The following ARB2A variants were observed in gnomAD, a reference collection of about 807,000 sequenced individuals.
ARB2A encodes the protein ARB2 cotranscriptional regulator A.
the ARB2A span, chr5:93,618,064 C>T: frequency 2.6e-5 from 4 of 151,898 alleles, no homozygotes; most frequent in East Asian, 3.9e-4. Flanking sequence ...ATAATAACAC[C>T]GCTGTTGTTG....
chr5:94,060,283 C>T, the ARB2A span, among the ~76,000 whole-genome samples: 352 of 151,970 alleles, frequency 2.3e-3, 4 homozygotes, highest in African/African-American at 7.8e-3. Context: ...ACCTGGGAGG[C>T]GGAGGTTGCA....
the ARB2A span, among the ~76,000 whole-genome samples, chr5:93,672,352 G>A: frequency 6.6e-6 from 1 of 151,094 alleles, no homozygotes; most frequent in African/African-American, 2.4e-5. Context: ...TCGCTGTCAC[G>A]AGGCTGGAGT....
chr5:93,994,042 G>C, the ARB2A span, among the ~76,000 whole-genome samples: 1 of 152,010 alleles, frequency 6.6e-6, no homozygotes, highest in South Asian at 2.1e-4. Context: ...TGATCAACAA[G>C]AACTGCTGTA....
the ARB2A span, among the ~76,000 whole-genome samples, chr5:93,950,943 CAAAAA>C: frequency 1.3e-5 from 1 of 79,238 alleles, no homozygotes. Flanking sequence ...GACTCTGTCT[CAAAAA>C]AAAAAAAAAA....
chr5:93,752,845 C>T, the ARB2A span, among the ~76,000 whole-genome samples: 3 of 152,036 alleles, frequency 2.0e-5, no homozygotes, highest in African/African-American at 4.8e-5. Flanking sequence ...TCAACTTTTA[C>T]AATACTTATC....
the ARB2A span, among the ~76,000 whole-genome samples, chr5:93,840,154 C>T: frequency 3.3e-5 from 5 of 152,092 alleles, no homozygotes; most frequent in Non-Finnish European, 4.4e-5. Flanking sequence ...ATAAAATTCC[C>T]TCTTAACACT....
At chr5:93,623,450 T>C in the ARB2A span, among the ~76,000 whole-genome samples, 1 of 152,158 alleles carries the variant, frequency 6.6e-6, no homozygotes, top group Non-Finnish European at 1.5e-5. Context: ...AATCTATGAA[T>C]CTAGAGGGAC....
the ARB2A span, chr5:93,621,217 C>A: frequency 1.5e-6 from 2 of 1,293,956 alleles, no homozygotes; most frequent in Non-Finnish European, 2.0e-6. Context: ...GCCCCGGCTC[C>A]CGACCACCCG....
At chr5:94,094,689 C>T in the ARB2A span, among the ~76,000 whole-genome samples, 106 of 152,182 alleles carry the variant, frequency 7.0e-4, no homozygotes, top group African/African-American at 2.3e-3. Context: ...AAGAAAGAAG[C>T]AGAGAAAGAT....
the ARB2A span, among the ~76,000 whole-genome samples, chr5:93,787,170 G>C: frequency 6.6e-6 from 1 of 152,098 alleles, no homozygotes; most frequent in Non-Finnish European, 1.5e-5. Flanking sequence ...ATCTTAGTCT[G>C]TAAAAAAGAT....
At chr5:93,970,563 T>C in the ARB2A span, among the ~76,000 whole-genome samples, 11 of 152,316 alleles carry the variant, frequency 7.2e-5, no homozygotes, top group African/African-American at 2.4e-4. Context: ...TATACCTACC[T>C]GTTATGTGGG....
the ARB2A span, chr5:93,682,888 C>T: frequency 5.1e-5 from 78 of 1,532,324 alleles, no homozygotes; most frequent in South Asian, 8.5e-4. Flanking sequence ...CTTGGTTAGT[C>T]ATCCGGAAGC....
the ARB2A span, among the ~76,000 whole-genome samples, chr5:93,669,678 T>C: frequency 9.8e-5 from 15 of 152,290 alleles, no homozygotes; most frequent in Admixed American, 7.2e-4. Flanking sequence ...AACTCCTGCA[T>C]ACTACAAATG....
chr5:93,751,095 T>C, the ARB2A span, among the ~76,000 whole-genome samples: 1 of 152,194 alleles, frequency 6.6e-6, no homozygotes, highest in African/African-American at 2.4e-5. Context: ...AAAAGTCTCA[T>C]TTATAGAAAT....
the ARB2A span, among the ~76,000 whole-genome samples, chr5:93,706,869 A>G: frequency 6.6e-6 from 1 of 152,030 alleles, no homozygotes; most frequent in Non-Finnish European, 1.5e-5. Flanking sequence ...CGTCAAAAAA[A>G]AAAAAAAAAG....
the ARB2A span, among the ~76,000 whole-genome samples, chr5:93,927,736 A>C: frequency 6.6e-6 from 1 of 152,198 alleles, no homozygotes; most frequent in Non-Finnish European, 1.5e-5. Context: ...GAAAATGTGC[A>C]TCTTATTAGA....
At chr5:93,986,296 C>G in the ARB2A span, among the ~76,000 whole-genome samples, 1 of 150,512 alleles carries the variant, frequency 6.6e-6, no homozygotes, top group African/African-American at 2.5e-5. Flanking sequence ...GGGGCGCCCC[C>G]GCCCAGCAGC....
the ARB2A span, among the ~76,000 whole-genome samples, chr5:93,937,645 C>A: frequency 6.6e-6 from 1 of 151,660 alleles, no homozygotes; most frequent in Non-Finnish European, 1.5e-5. Flanking sequence ...CCCTCAATAT[C>A]CATGGGGTAT....
the ARB2A span, chr5:93,740,252 A>G: frequency 4.6e-6 from 1 of 218,002 alleles, no homozygotes; most frequent in Non-Finnish European, 9.1e-6. Context: ...CCCTATGTTT[A>G]CTGATAACCA....
Sources: gnomAD v4.1 joint callset for allele counts (sites outside exome capture counted in the v4.1 genomes callset) on GRCh38, gnomAD v4.1.1 for gene constraint, MANE v1.5 for transcripts, NCBI Gene and HGNC (gene_info 2026-07-23, HGNC 2026-07-21) for gene names.